Variants in PLOD2 observed in about 807,000 individuals in gnomAD.
The protein encoded by PLOD2 is lysine hydroxylase 2.
A neutral mutation model predicts 101.0 loss-of-function variants in PLOD2; 65 were observed. That is an observed-to-expected ratio of 0.64 (90% CI 0.53 to 0.79). The LOEUF is 0.79. PLOD2 is among the 30% of genes least tolerant of loss of function. PLOD2 has a pLI of 0.00. For synonymous variants in PLOD2, 314 were observed against 302.9 expected (o/e 1.04, Z -0.38); for missense variants, 909 against 914.6 (o/e 0.99, Z 0.08).
chr3:146,097,291 G>A (rs1937229536), intron 7 of PLOD2, among the ~76,000 whole-genome samples: 1 of 149,970 alleles, frequency 6.7e-6, no homozygotes, highest in African/African-American at 2.4e-5. Flanking sequence ...ACCCCGTCTG[G>A]GAGGTGTGCC....
In PLOD2 at chr3:146,101,186, G is replaced by GT. The variant is rs1158121472; in HGVS notation, c.777+1568dup. Among the ~76,000 whole-genome samples the GT allele has an allele frequency of 2.2e-4, 33 of 152,238 alleles. No homozygotes were observed. The South Asian group carries it at 2.9e-3, about 13-fold the overall frequency. ...CCTGGAGCTTAGGAAAGACACAGGA[G>GT]TTAGAGGAAGGATTTGAAAACCACC... On this transcript the variant is annotated intron_variant, in intron 7 of 19. Transcript: ENST00000282903.
intron 3 of PLOD2, among the ~76,000 whole-genome samples, chr3:146,111,596 C>T (rs1324270762): frequency 6.6e-6 from 1 of 152,062 alleles, no homozygotes; most frequent in Non-Finnish European, 1.5e-5. Context: ...AAACTCACTT[C>T]AAAGTTTTTA....
At chr3:146,103,818 C>T (rs865777260) in intron 6 of PLOD2, among the ~76,000 whole-genome samples, 15 of 123,624 alleles carry the variant, frequency 1.2e-4, no homozygotes, top group African/African-American at 2.9e-4. Context: ...CATATCCACA[C>T]GAGCATGTAC....
At chr3:146,136,339 A>G (rs1438707226) in intron 1 of PLOD2, among the ~76,000 whole-genome samples, 2 of 152,198 alleles carry the variant, frequency 1.3e-5, no homozygotes, top group African/African-American at 4.8e-5. Flanking sequence ...CCAAAATTCA[A>G]ACTAAAACTT....
At chr3:146,104,249 C>T (rs936984021) in intron 6 of PLOD2, 30 bp downstream of exon 6, 7 of 1,369,558 alleles carry the variant, frequency 5.1e-6, no homozygotes, top group Non-Finnish European at 6.3e-6. Context: ...TGTTTGTATA[C>T]GTAAGCAATC....
At position 146,145,705 on chromosome 3, in the gene PLOD2, A is replaced by G. The variant is rs2031743887; in HGVS notation, c.109+15176T>C. On this transcript the variant is annotated intron_variant, in intron 1 of 19. Coordinates refer to ENST00000282903, the MANE Select transcript of PLOD2 (RefSeq NM_182943.3). Reference sequence around the variant, plus strand: ...AGTTTTCTTTTGTACTTTTGTTATCATGAATTTTTAAAAGGCTGAGTCAAA... The same window carrying G: ...AGTTTTCTTTTGTACTTTTGTTATCGTGAATTTTTAAAAGGCTGAGTCAAA... Among the ~76,000 whole-genome samples the G allele has an allele frequency of 2.0e-5, 3 of 152,178 alleles. No homozygotes were observed. In the South Asian group the frequency reaches 6.2e-4, roughly 31 times the overall value.
At chr3:146,087,698 G>A (rs551060153) in intron 9 of PLOD2, among the ~76,000 whole-genome samples, 6 of 151,740 alleles carry the variant, frequency 4.0e-5, no homozygotes, top group South Asian at 2.1e-4. Context: ...AGACAAAAAC[G>A]TCCGCCATCA....
intron 7 of PLOD2, among the ~76,000 whole-genome samples, chr3:146,095,008 G>A (rs1238611111): frequency 1.3e-5 from 2 of 152,056 alleles, no homozygotes; most frequent in African/African-American, 2.4e-5. Flanking sequence ...TGGGAAAACT[G>A]GCTAGCCATA....
At chr3:146,151,898 A>G (rs979538303) in intron 1 of PLOD2, among the ~76,000 whole-genome samples, 1 of 152,230 alleles carries the variant, frequency 6.6e-6, no homozygotes, top group African/African-American at 2.4e-5. Flanking sequence ...AAAATTTCAC[A>G]GTATTACACA....
intron 3 of PLOD2, among the ~76,000 whole-genome samples, chr3:146,120,372 A>C (rs144361412): frequency 0.01 from 1,569 of 152,136 alleles, 32 homozygotes; most frequent in African/African-American, 0.036. Context: ...GATTGCAAAA[A>C]TTTTCTCCCT....
Position 146,081,744 on chromosome 3 carries a change from T to C in PLOD2, c.1352A>G (p.Asn451Ser), listed in dbSNP as rs1334193751. The C allele has an allele frequency of 6.2e-7, 1 of 1,605,408 alleles. No individual in the cohort carries two copies. The highest frequency in any genetic ancestry group is 8.5e-7 in the Non-Finnish European group (1 of 1,172,378). The change falls in exon 12 of 20, where the codon AAT becomes AGT. Residue 451 changes from asparagine to serine, a missense_variant. Physicochemically the swap from Asn to Ser is conservative, Grantham distance 46. Coordinates refer to ENST00000282903, the MANE Select transcript of PLOD2 (RefSeq NM_182943.3). ...ATTAAACCAAGTAACTTACACTCTA[T>C]TCCCTTGAACAATATCCACATAATC... The part of the protein sequence containing the change: ...SEDYVDIVQG[N>S]RVGVWNVPYM...
Position 146,161,088 on chromosome 3 carries a change from GATTGCGGGCGGGAGCCGGCGGGC to G in PLOD2, c.-122_-100del. The G allele has an allele frequency of 4.1e-6, 3 of 724,844 alleles. No individual in the cohort carries two copies. Among genetic ancestry groups the G allele is most frequent in the Non-Finnish European group, 6.1e-6 (3 of 492,412 alleles). The allele number at this position is 724,844 out of a possible 1,614,324, so 44.9% of individuals were successfully genotyped here. A position where few individuals can be genotyped will look rare whatever the true frequency, so the allele number is the denominator to read the frequency against. On this transcript the variant is annotated 5_prime_UTR_variant, in exon 1 of 20. Coordinates refer to ENST00000282903, the MANE Select transcript of PLOD2 (RefSeq NM_182943.3). ...AGACCCGGGTCCGCCCTGAGCCGCC[GATTGCGGGCGGGAGCCGGCGGGC>G]AAGGCGCGCGGCCGGCAGCCGGAGC...
intron 7 of PLOD2, among the ~76,000 whole-genome samples, chr3:146,094,818 C>CTA (rs1025050096): frequency 2.6e-5 from 4 of 152,168 alleles, no homozygotes; most frequent in African/African-American, 9.7e-5. Flanking sequence ...TGACTTCAAA[C>CTA]TATACTACAA....
chr3:146,123,982 G>C (rs578064516), intron 2 of PLOD2, among the ~76,000 whole-genome samples, 156 bp downstream of exon 2: 1 of 151,864 alleles, frequency 6.6e-6, no homozygotes, highest in South Asian at 2.1e-4. Context: ...CTTTGTGTTA[G>C]GAAATATTAA....
Position 146,116,446 on chromosome 3 carries a change from C to T in PLOD2, c.338+4666G>A, listed in dbSNP as rs189458781. Among the ~76,000 whole-genome samples, 1,115 of 152,224 alleles carry T rather than the reference C, an allele frequency of 7.3e-3. 8 individuals carry two copies. The highest frequency in any genetic ancestry group is 0.02 in the Middle Eastern group (6 of 294). On this transcript the variant is annotated intron_variant, in intron 3 of 19. Transcript: ENST00000282903. The stretch of plus-strand genomic sequence containing the variant: ...ACAGATAAATATTGAACCATCCTGG[C>T]ATTCCTGGGATAAATCCCACTTGAT...
intron 4 of PLOD2, among the ~76,000 whole-genome samples, chr3:146,107,622 A>ATTTTT (rs71158215): frequency 1.5e-5 from 1 of 68,922 alleles, no homozygotes; most frequent in Non-Finnish European, 2.6e-5. Context: ...TGCCATATAA[A>ATTTTT]TTTTTTTTTT....
intron 1 of PLOD2, 28 bp from the exon 2 acceptor site, chr3:146,124,257 G>A: frequency 1.6e-6 from 2 of 1,253,112 alleles, no homozygotes; most frequent in African/African-American, 1.5e-5. Flanking sequence ...AACAAAAGAA[G>A]GTTTACCAAG....
intron 1 of PLOD2, among the ~76,000 whole-genome samples, chr3:146,143,946 T>C (rs2031650466): frequency 1.3e-5 from 2 of 152,142 alleles, no homozygotes; most frequent in South Asian, 4.2e-4. Flanking sequence ...TTGTCCCTAA[T>C]GCAGGCACAC....
chr3:146,148,336 A>G (rs867974513), intron 1 of PLOD2, among the ~76,000 whole-genome samples: 1 of 83,976 alleles, frequency 1.2e-5, no homozygotes, highest in Non-Finnish European at 2.7e-5. Context: ...GCAGGCAGGC[A>G]CGCACACACA....
Sources: gnomAD v4.1 joint callset for allele counts (sites outside exome capture counted in the v4.1 genomes callset) on GRCh38, gnomAD v4.1.1 for gene constraint, MANE v1.5 for transcripts, NCBI Gene and HGNC (gene_info 2026-07-23, HGNC 2026-07-21) for gene names.